PER2: variants seen among roughly 807,000 people sequenced by gnomAD.
PER2 encodes period circadian protein homolog 2.
Under a neutral mutation model 121.0 loss-of-function variants are expected in PER2, and 66 were observed. The ratio of observed to expected loss-of-function variants is 0.55; its 90% CI spans 0.45 to 0.67. The LOEUF (loss-of-function observed/expected upper bound fraction) is 0.67. Among genes scored for constraint, PER2 ranks in the 30% least tolerant of loss-of-function variants. The pLI, the probability that PER2 is intolerant of heterozygous loss-of-function variation, is 0.00. For missense variants in PER2, 1,521 were observed against 1,635.0 expected (o/e 0.93, Z 1.20); for synonymous variants, 684 against 659.9 (o/e 1.04, Z -0.56).
chr2:238,262,460 G>T, intron 10 of PER2, 116 bp from the exon 11 acceptor site: 1 of 959,910 alleles, frequency 1.0e-6, no homozygotes, highest in Non-Finnish European at 1.6e-6. Context: ...GTAGGGGTAT[G>T]AACACTTCTT....
chr2:238,267,049 T>TAAA (rs57177821), intron 8 of PER2, among the ~76,000 whole-genome samples: 2 of 104,554 alleles, frequency 1.9e-5, no homozygotes, highest in African/African-American at 3.6e-5. Flanking sequence ...CTCCATCTCT[T>TAAA]AAAAAAAAAA....
Position 238,267,969 on chromosome 2 carries a change from A to G in PER2, c.967+87T>C. On this transcript the variant is annotated intron_variant, in intron 8 of 22. Transcript: ENST00000254657. ...GCTGGGGAACTGCAGCGGGGAGTCCATCGTACAGATGTTATGTGTGAACCA... is the reference window on the plus strand; with the variant it reads ...GCTGGGGAACTGCAGCGGGGAGTCCGTCGTACAGATGTTATGTGTGAACCA... 3.4e-6 allele frequency: 5 copies of G among 1,469,380 alleles called. No individual in the cohort carries two copies. In the Admixed American group the frequency reaches 5.1e-5, roughly 15 times the overall value. The allele number at this position is 1,469,380 out of a possible 1,614,324, so 91.0% of individuals were successfully genotyped here.
intron 4 of PER2, among the ~76,000 whole-genome samples, chr2:238,274,373 C>T (rs1237571705): frequency 6.6e-6 from 1 of 152,232 alleles, no homozygotes; most frequent in Non-Finnish European, 1.5e-5. Context: ...GATTCTGCCA[C>T]GCGTGTGCTT....
intron 13 of PER2, 52 bp from the exon 14 acceptor site, chr2:238,260,105 G>T: frequency 1.3e-6 from 1 of 792,346 alleles, no homozygotes; most frequent in Non-Finnish European, 2.2e-6. Context: ...ACCTCCTTCA[G>T]TCTGTCCGGC....
rs905268600 is a variant in PER2 at position 238,268,661 on chromosome 2, C to T, written c.824+262G>A. On this transcript the variant is annotated intron_variant, in intron 7 of 22. Transcript: ENST00000254657. The surrounding 1 kb of genome is among the most constrained non-coding windows in gnomAD (Gnocchi z 4.0). ...GCAGTGCTTTCAGAAACTCTGTCGA[C>T]CCTGGGGTACAGGCCTTTGCAAGAC... Among the ~76,000 whole-genome samples the T allele has an allele frequency of 7.2e-5, 11 of 152,208 alleles. No individual in the cohort carries two copies. Among genetic ancestry groups the T allele is most frequent in the Non-Finnish European group, 1.6e-4 (11 of 68,040 alleles).
Position 238,265,989 on chromosome 2 carries a change from C to T in PER2, c.968-399G>A, listed in dbSNP as rs148962571. Among the ~76,000 whole-genome samples the T allele has an allele frequency of 7.6e-3, 1,151 of 152,006 alleles. 22 individuals carry two copies. The highest frequency in any genetic ancestry group is 0.038 in the Admixed American group (582 of 15,280). On this transcript the variant is annotated intron_variant, in intron 8 of 22. Coordinates refer to ENST00000254657, the MANE Select transcript of PER2 (RefSeq NM_022817.3). ...CACGATCTCGGCTCATTGCAACCTC[C>T]GCCTCCGAGGTTCAAGCGATTCTCC...
the PER2 span, among the ~76,000 whole-genome samples, chr2:238,295,120 T>C: frequency 0.73 from 110,624 of 152,182 alleles, 41,249 homozygotes; most frequent in African/African-American, 0.9. Flanking sequence ...GGTGTCTGTT[T>C]TCTCCTGCTG....
intron 1 of PER2, among the ~76,000 whole-genome samples, chr2:238,279,933 G>A (rs1288562805): frequency 3.3e-5 from 5 of 152,240 alleles, no homozygotes; most frequent in South Asian, 2.1e-4. Context: ...TGCTACCCCC[G>A]GCCATGGAAG....
At chr2:238,265,782 C>A (rs1480747398) in intron 8 of PER2, among the ~76,000 whole-genome samples, 192 bp from the exon 9 acceptor site, 4 of 152,186 alleles carry the variant, frequency 2.6e-5, no homozygotes, top group Non-Finnish European at 4.4e-5. Context: ...CGTTGGCCAG[C>A]CTTCTTAGCT....
chr2:238,278,023 T>TAG, intron 1 of PER2, 68 bp from the exon 2 acceptor site: 2 of 1,534,828 alleles, frequency 1.3e-6, no homozygotes, highest in Non-Finnish European at 8.8e-7. Context: ...AGCCATCAGG[T>TAG]AGAGCACCCA....
chr2:238,256,530 C>G (rs1304885513), intron 17 of PER2, among the ~76,000 whole-genome samples: 1 of 152,226 alleles, frequency 6.6e-6, no homozygotes, highest in African/African-American at 2.4e-5. Context: ...TGTCCACAAA[C>G]AGGGAGAGCT....
chr2:238,283,575 G>C (rs563327658), intron 1 of PER2, among the ~76,000 whole-genome samples: 2 of 152,248 alleles, frequency 1.3e-5, no homozygotes, highest in Admixed American at 1.3e-4. Context: ...GGAGCAGAGC[G>C]GGCAGCGGTA....
the PER2 span, chr2:238,295,842 G>T: frequency 5.5e-6 from 1 of 182,778 alleles, no homozygotes; most frequent in Admixed American, 6.0e-5. Flanking sequence ...ATGTGTAGGT[G>T]GACTGTTGGG....
At chr2:238,279,179 G>C (rs1434452958) in intron 1 of PER2, among the ~76,000 whole-genome samples, 1 of 152,178 alleles carries the variant, frequency 6.6e-6, no homozygotes. Flanking sequence ...AGTCCCAGCA[G>C]GAAGCAGGCA....
chr2:238,259,972 TA>T lies in PER2; in HGVS notation c.1623del (p.Thr542GlnfsTer62). 7.2e-7 allele frequency: 1 copy of T among 1,379,776 alleles called. No homozygotes were observed. The highest frequency in any genetic ancestry group is 1.0e-6 in the Non-Finnish European group (1 of 973,350). 85.5% of individuals were successfully genotyped at this position (1,379,776 alleles called of 1,614,324 possible). A position where few individuals can be genotyped will look rare whatever the true frequency, so the allele number is the denominator to read the frequency against. On this transcript the variant is annotated frameshift_variant, in exon 14 of 23. Transcript: ENST00000254657. LOFTEE classifies it high-confidence loss of function. ...HESGEQKKKS[V>X]TEMQTNPPAE... The stretch of plus-strand genomic sequence containing the variant: ...TGTTGAATATTTTTTTTTTTACCTG[TA>T]ACGGATTTTTTCTTTTGTTCTCCAG...
chr2:238,274,923 C>CTGTG (rs1696405925), intron 4 of PER2, among the ~76,000 whole-genome samples: 1 of 152,128 alleles, frequency 6.6e-6, no homozygotes, highest in African/African-American at 2.4e-5. Flanking sequence ...GCAGAGCAAC[C>CTGTG]CTTCCACACC....
At chr2:238,287,336 T>G (rs536454287) in intron 1 of PER2, among the ~76,000 whole-genome samples, 1 of 152,380 alleles carries the variant, frequency 6.6e-6, no homozygotes, top group African/African-American at 2.4e-5. Flanking sequence ...CCTTGTATTT[T>G]AAAACTCAAT....
intron 4 of PER2, 126 bp from the exon 5 acceptor site, chr2:238,273,317 C>T (rs1696351788): frequency 2.0e-6 from 2 of 1,005,128 alleles, no homozygotes; most frequent in African/African-American, 1.6e-5. Flanking sequence ...ATCTCGTCTT[C>T]CTGGGACACA....
rs7603349 is a variant in PER2, at chr2:238,260,824, G to T, written c.1542+4C>A. The stretch of plus-strand genomic sequence containing the variant: ...TTTCTCAGGGAGAATGGAAGGAGAC[G>T]TACGGCTCTCCTCCGGCGTGAGTCC... On this transcript the variant is annotated splice_donor_region_variant and intron_variant, in intron 13 of 22. Transcript: ENST00000254657. The T allele has an allele frequency of 4.3e-6, 7 of 1,613,922 alleles. No individual in the cohort carries two copies. The Admixed American group carries it at 1.2e-4, about 27-fold the overall frequency.
Sources: allele counts gnomAD v4.1 joint callset (sites outside exome capture counted in the v4.1 genomes callset), GRCh38; gene constraint gnomAD v4.1.1; non-coding constraint Gnocchi (gnomAD v3.1); transcripts MANE v1.5; gene names NCBI Gene and HGNC (gene_info 2026-07-23, HGNC 2026-07-21).